ARNT2: variants seen among roughly 807,000 people sequenced by gnomAD.
The protein encoded by ARNT2 is ARNT protein 2.
Under a neutral mutation model 91.7 loss-of-function variants are expected in ARNT2, and 36 were observed. The ratio of observed to expected loss-of-function variants is 0.39; its 90% confidence interval spans 0.30 to 0.52. ARNT2 has a LOEUF of 0.52. Ranked by LOEUF, ARNT2 falls within the 20% of genes least tolerant of loss-of-function variation. The pLI, the probability that ARNT2 is intolerant of heterozygous loss-of-function variation, is 0.72. For synonymous variants in ARNT2, 365 were observed against 347.1 expected, an observed-to-expected ratio of 1.05 and a Z score of -0.57; for missense variants, 775 against 939.3, an observed-to-expected ratio of 0.83 and a Z score of 2.29.
chr15:80,413,193 C>G (rs567278119), intron 1 of ARNT2, among the ~76,000 whole-genome samples: 48 of 152,358 alleles, frequency 3.2e-4, no homozygotes, highest in Non-Finnish European at 5.6e-4. Flanking sequence ...TGCAGGGGCC[C>G]CATGACTGGG....
chr15:80,550,779 T>C (rs1046410464), intron 8 of ARNT2, among the ~76,000 whole-genome samples: 4 of 152,224 alleles, frequency 2.6e-5, no homozygotes, highest in African/African-American at 9.7e-5. Context: ...CCAGCTTCAG[T>C]GGTTTTTACT....
At chr15:80,467,396 A>C (rs773051114) in intron 3 of ARNT2, among the ~76,000 whole-genome samples, 1 of 152,216 alleles carries the variant, frequency 6.6e-6, no homozygotes, top group East Asian at 1.9e-4. Context: ...TTGCCTGGTG[A>C]TACTGATGGG....
At chr15:80,421,168 C>G (rs1209870315) in intron 1 of ARNT2, among the ~76,000 whole-genome samples, 1 of 152,124 alleles carries the variant, frequency 6.6e-6, no homozygotes, top group African/African-American at 2.4e-5. Context: ...AAACCAAATA[C>G]CTTATGTTCT....
chr15:80,502,644 A>G (rs74029845), intron 5 of ARNT2, among the ~76,000 whole-genome samples: 2,654 of 152,292 alleles, frequency 0.017, 81 homozygotes, highest in African/African-American at 0.061. Context: ...ACATGGGAGC[A>G]TGAGCCTTCT....
At chr15:80,564,711 T>A (rs1399454178) in intron 12 of ARNT2, among the ~76,000 whole-genome samples, 1 of 131,958 alleles carries the variant, frequency 7.6e-6, no homozygotes, top group Non-Finnish European at 1.6e-5. Flanking sequence ...CCTCCCAGTG[T>A]CTATTGTTCC....
intron 5 of ARNT2, among the ~76,000 whole-genome samples, chr15:80,484,832 G>T (rs1364268894): frequency 6.6e-6 from 1 of 152,190 alleles, no homozygotes; most frequent in Non-Finnish European, 1.5e-5. Context: ...GTGCATAGGG[G>T]TGTAGGGAGG....
intron 8 of ARNT2, among the ~76,000 whole-genome samples, chr15:80,545,039 A>AAC (rs1566997593): frequency 6.6e-6 from 1 of 152,194 alleles, no homozygotes; most frequent in East Asian, 1.9e-4. Flanking sequence ...TTGAAGTCTC[A>AAC]TGAGGGTGTT....
At chr15:80,479,860 A>G (rs540514176) in intron 5 of ARNT2, among the ~76,000 whole-genome samples, 1 of 152,210 alleles carries the variant, frequency 6.6e-6, no homozygotes, top group African/African-American at 2.4e-5. Context: ...TGTGAGGTCC[A>G]CCTACCTCAC....
intron 5 of ARNT2, among the ~76,000 whole-genome samples, chr15:80,479,769 G>C (rs1354914511): frequency 6.6e-6 from 1 of 152,102 alleles, no homozygotes; most frequent in Non-Finnish European, 1.5e-5. Flanking sequence ...AAACATCCTG[G>C]GCCCGGCTCT....
intron 5 of ARNT2, among the ~76,000 whole-genome samples, chr15:80,485,549 A>C (rs1160607755): frequency 6.6e-6 from 1 of 152,204 alleles, no homozygotes; most frequent in Non-Finnish European, 1.5e-5. Flanking sequence ...GGAAAAGGCC[A>C]GGAGGGCAAC....
intron 1 of ARNT2, among the ~76,000 whole-genome samples, chr15:80,424,917 A>G (rs774072146): frequency 6.6e-6 from 1 of 152,232 alleles, no homozygotes; most frequent in Non-Finnish European, 1.5e-5. Context: ...GCTTTTAAGA[A>G]TCTGACGTGA....
intron 1 of ARNT2, among the ~76,000 whole-genome samples, chr15:80,409,552 G>A (rs1000585117): frequency 2.0e-5 from 3 of 151,714 alleles, no homozygotes; most frequent in African/African-American, 7.3e-5. Flanking sequence ...AATACTTACT[G>A]AGTAACTACT....
Position 80,551,289 on chromosome 15 carries a change from C to T in ARNT2, c.954+14C>T, listed in dbSNP as rs748827610. 3.2e-5 allele frequency: 52 copies of T among 1,610,192 alleles called. No homozygotes were observed. Among genetic ancestry groups the T allele is most frequent in the Non-Finnish European group, 3.8e-5 (45 of 1,176,750 alleles). On this transcript the variant is annotated intron_variant, in intron 9 of 18. Transcript: ENST00000303329. ...GGGAGACTCCAGGTAAGAAAAAATT[C>T]GTAGCCTTTTTAATCTTAAATGAAG...
Position 80,597,105 on chromosome 15 carries a change from T to A in ARNT2, c.*3407T>A, listed in dbSNP as rs1352481912. On this transcript the variant is annotated 3_prime_UTR_variant, in exon 19 of 19. Transcript: ENST00000303329. ...CACTGGGGAGCTTTACTCTTCCGTG[T>A]CAACAATGTGACTACATGTTCTCCA... 1 of 517,562 alleles carries A rather than the reference T, an allele frequency of 1.9e-6. No individual in the cohort carries two copies. Among genetic ancestry groups the A allele is most frequent in the East Asian group, 5.5e-5 (1 of 18,330 alleles). The allele number at this position is 517,562 out of a possible 1,614,324, so 32.1% of individuals were successfully genotyped here.
At chr15:80,482,396 G>A (rs983425110) in intron 5 of ARNT2, among the ~76,000 whole-genome samples, 1 of 151,832 alleles carries the variant, frequency 6.6e-6, no homozygotes, top group Admixed American at 6.5e-5. Context: ...AGAACCATTT[G>A]TTGTCTGGGG....
At chr15:80,442,405 A>G (rs1015044050) in intron 1 of ARNT2, among the ~76,000 whole-genome samples, 3 of 152,218 alleles carry the variant, frequency 2.0e-5, no homozygotes, top group Non-Finnish European at 1.5e-5. Context: ...TGAAATTACT[A>G]GGCTCTGTGC....
At chr15:80,519,190 A>G (rs747993856) in intron 8 of ARNT2, among the ~76,000 whole-genome samples, 2 of 152,212 alleles carry the variant, frequency 1.3e-5, no homozygotes, top group Non-Finnish European at 2.9e-5. Flanking sequence ...GCAAGTCTCA[A>G]TCATTTTAGG....
At position 80,432,949 on chromosome 15, in the gene ARNT2, G is replaced by A. The variant is rs546218738; in HGVS notation, c.32-17931G>A. Among the ~76,000 whole-genome samples the A allele has an allele frequency of 8.9e-4, 135 of 152,142 alleles. 8 individuals are homozygous for A. The South Asian group carries it at 0.027, about 30-fold the overall frequency. On this transcript the variant is annotated intron_variant, in intron 1 of 18. Transcript: ENST00000303329. The stretch of plus-strand genomic sequence containing the variant: ...CCTTAACTGCTTTGAAAAGAAAACA[G>A]ATTTTAATGCCTTGTGTGTAAACAT...
chr15:80,508,209 T>G lies in ARNT2; in HGVS notation c.676T>G (p.Ser226Ala). The change falls in exon 6 of 19, where the codon TCC (serine) becomes GCC (alanine). Residue 226 changes from serine (S) to alanine (A), a missense_variant. Transcript: ENST00000303329. ...GGTCAAGAAAGAAGGGCAGCAGTCA[T>G]CCATGAGGATGTGCATGGGCTCGCG... ...GTVKKEGQQS[S>A]MRMCMGSRRS... 5 of 1,614,106 alleles carry G rather than the reference T, an allele frequency of 3.1e-6. No individual in the cohort carries two copies. Among genetic ancestry groups the G allele is most frequent in the Non-Finnish European group, 3.4e-6 (4 of 1,179,996 alleles).
Sources: allele counts gnomAD v4.1 joint callset (sites outside exome capture counted in the v4.1 genomes callset), GRCh38; gene constraint gnomAD v4.1.1; transcripts MANE v1.5; gene names NCBI Gene and HGNC (gene_info 2026-07-23, HGNC 2026-07-21).